The following ZNF516 variants were observed in gnomAD, a reference collection of about 807,000 sequenced individuals.
ZNF516 encodes zinc finger protein 516.
ZNF516 carries 19 observed loss-of-function variants against 79.7 expected under a neutral mutation model. The observed-to-expected ratio is 0.24, with a 90% CI of 0.17 to 0.35. The LOEUF is 0.35. ZNF516 is among the 10% of genes least tolerant of loss of function. ZNF516 has a pLI of 1.00. For missense variants in ZNF516, 1,678 were observed against 1,679.5 expected (o/e 1.00, Z 0.02); for synonymous variants, 877 against 739.5 (o/e 1.19, Z -3.02).
intron 1 of ZNF516, among the ~76,000 whole-genome samples, chr18:76,494,351 G>A (rs1915392382): frequency 8.2e-6 from 1 of 122,170 alleles, no homozygotes; most frequent in Non-Finnish European, 1.7e-5. Flanking sequence ...TCATACACCC[G>A]GGTTCATCTC....
At chr18:76,466,422 G>C (rs1207208667) in intron 1 of ZNF516, among the ~76,000 whole-genome samples, 7 of 152,240 alleles carry the variant, frequency 4.6e-5, no homozygotes, top group African/African-American at 1.7e-4. Flanking sequence ...GCTGCCACGT[G>C]GACGGGATGC....
At chr18:76,395,097 CACAG>C (rs1309087877) in intron 3 of ZNF516, among the ~76,000 whole-genome samples, 3 of 151,398 alleles carry the variant, frequency 2.0e-5, no homozygotes, top group African/African-American at 4.9e-5. Flanking sequence ...GGAGCAAAGT[CACAG>C]ACAAAGCCTG....
In ZNF516 at chr18:76,379,507, G is replaced by T. The variant is rs1837801758; in HGVS notation, c.2607C>A (p.Ser869Arg). 2 of 1,613,770 alleles carry T rather than the reference G, an allele frequency of 1.2e-6. No homozygotes were observed. Residue 869 changes from serine to arginine, a missense_variant, in exon 4 of 7, where the codon AGC becomes AGA. By Grantham distance (110) the Ser-to-Arg change is moderately radical (BLOSUM62 -1). Coordinates refer to ENST00000443185, the MANE Select transcript of ZNF516 (RefSeq NM_014643.4). ...KAASMPKNKE[S>R]HSGGPCALWA... ...ACAGAGCGCAGGGACCTCCGGAATG[G>T]CTCTCCTTATTCTTAGGCATGCTAG...
chr18:76,432,319 A>G (rs2075671160), intron 3 of ZNF516, among the ~76,000 whole-genome samples: 1 of 152,176 alleles, frequency 6.6e-6, no homozygotes, highest in Non-Finnish European at 1.5e-5. Flanking sequence ...AAGCCTCAGT[A>G]CTGTCATTAC....
At chr18:76,491,430 C>T (rs1458277516) in intron 1 of ZNF516, among the ~76,000 whole-genome samples, 2 of 145,228 alleles carry the variant, frequency 1.4e-5, no homozygotes, top group Non-Finnish European at 3.1e-5. Flanking sequence ...CGCCCCCGCC[C>T]CCCGGCCCGC....
intron 4 of ZNF516, among the ~76,000 whole-genome samples, chr18:76,373,375 A>G (rs898356580): frequency 1.2e-4 from 18 of 152,096 alleles, no homozygotes; most frequent in African/African-American, 4.3e-4. Flanking sequence ...AGATTTTTTA[A>G]GCTATTTTGT....
At chr18:76,480,305 G>A (rs185684545) in intron 1 of ZNF516, among the ~76,000 whole-genome samples, 22 of 151,794 alleles carry the variant, frequency 1.4e-4, no homozygotes, top group African/African-American at 3.6e-4. Context: ...TTTACCTCTC[G>A]ATGTGATCAC....
At chr18:76,491,655 A>G in intron 1 of ZNF516, 1 of 688,056 alleles carries the variant, frequency 1.5e-6, no homozygotes. Flanking sequence ...CAGCCCAGCA[A>G]CAAGCGGCCA....
chr18:76,445,668 C>A (rs1250561804), intron 2 of ZNF516, among the ~76,000 whole-genome samples: 7 of 152,136 alleles, frequency 4.6e-5, no homozygotes, highest in Non-Finnish European at 1.5e-5. Flanking sequence ...TACAGACTCC[C>A]CTGGACCTCC....
At position 76,441,625 on chromosome 18, in the gene ZNF516, G is replaced by A. The variant is rs1267284523; in HGVS notation, c.1430C>T (p.Pro477Leu). The A allele has an allele frequency of 1.5e-5, 22 of 1,512,404 alleles. No individual in the cohort carries two copies. In the Middle Eastern group the frequency reaches 6.9e-4, roughly 48 times the overall value. The allele number at this position is 1,512,404 out of a possible 1,614,324, so 93.7% of individuals were successfully genotyped here. A position where few individuals can be genotyped will look rare whatever the true frequency, so the allele number is the denominator to read the frequency against. Residue 477 changes from proline (P) to leucine (L), a missense_variant, in exon 3 of 7, where the codon CCG (proline) becomes CTG (leucine). Physicochemically the swap from Pro to Leu is moderately conservative, Grantham distance 98 (BLOSUM62 -3). Transcript: ENST00000443185. ...EQDAPAAQGP[P>L]RKRASGPGDP... The stretch of plus-strand genomic sequence containing the variant: ...CCCAGGCCCGCTCGCGCGCTTCCGC[G>A]GGGGCCCCTGCGCGGCTGGTGCATC...
chr18:76,451,126 T>C lies in ZNF516; in HGVS notation c.-157-7915A>G, dbSNP rs1912384045. Among the ~76,000 whole-genome samples, 1 of 152,202 alleles carries C rather than the reference T, an allele frequency of 6.6e-6. No homozygotes were observed. Among genetic ancestry groups the C allele is most frequent in the Non-Finnish European group, 1.5e-5 (1 of 68,040 alleles). ...CTGCACCAAGTCCCCACAAGCAGCA[T>C]GTGTCAGGGGAGGGAAGCAAAGCTG... On this transcript the variant is annotated intron_variant, in intron 2 of 6. Coordinates refer to ENST00000443185, the MANE Select transcript of ZNF516 (RefSeq NM_014643.4). This position sits in a 1 kb window ranked among gnomAD's most constrained non-coding sequence, Gnocchi z 6.0.
At chr18:76,416,362 T>G (rs2075433112) in intron 3 of ZNF516, among the ~76,000 whole-genome samples, 2 of 152,240 alleles carry the variant, frequency 1.3e-5, no homozygotes, top group Admixed American at 1.3e-4. Context: ...AATGCTGTGA[T>G]GTTCTTGGGC....
intron 1 of ZNF516, among the ~76,000 whole-genome samples, chr18:76,484,521 G>C (rs1027490442): frequency 2.0e-5 from 3 of 152,124 alleles, no homozygotes; most frequent in African/African-American, 7.2e-5. Context: ...GGCCAAGAAG[G>C]TGCAGTTTCA....
chr18:76,439,690 T>C (rs1175070316), intron 3 of ZNF516, among the ~76,000 whole-genome samples: 1 of 152,138 alleles, frequency 6.6e-6, no homozygotes, highest in East Asian at 1.9e-4. Context: ...GTGACCACCA[T>C]CATAATCAAT....
chr18:76,368,925 T>C (rs1482700028), intron 6 of ZNF516, among the ~76,000 whole-genome samples: 1 of 152,194 alleles, frequency 6.6e-6, no homozygotes, highest in African/African-American at 2.4e-5. Context: ...CTGACATGCA[T>C]TCCTGAAGAA....
At chr18:76,404,494 T>C (rs1240214970) in intron 3 of ZNF516, among the ~76,000 whole-genome samples, 1 of 151,378 alleles carries the variant, frequency 6.6e-6, no homozygotes, top group Admixed American at 6.6e-5. Context: ...TGTAAGCATG[T>C]GTGCATGTGT....
chr18:76,426,415 ACACT>A (rs751065503), intron 3 of ZNF516, among the ~76,000 whole-genome samples: 7 of 152,226 alleles, frequency 4.6e-5, no homozygotes, highest in African/African-American at 7.2e-5. Context: ...TACTCACAAG[ACACT>A]CACCAGCTCA....
chr18:76,490,224 C>A (rs1457265366), intron 1 of ZNF516: 1 of 984,936 alleles, frequency 1.0e-6, no homozygotes, highest in Non-Finnish European at 1.2e-6. Flanking sequence ...CTACAAGTAA[C>A]CCAACTCTCA....
intron 3 of ZNF516, chr18:76,386,940 G>A (rs1039588987): frequency 7.2e-5 from 11 of 152,238 alleles, no homozygotes; most frequent in African/African-American, 9.6e-5. Context: ...GAAAAAACCT[G>A]CCAAGGGCAT....
Sources: allele counts gnomAD v4.1 joint callset (sites outside exome capture counted in the v4.1 genomes callset), GRCh38; gene constraint gnomAD v4.1.1; non-coding constraint Gnocchi (gnomAD v3.1); transcripts MANE v1.5; gene names NCBI Gene and HGNC (gene_info 2026-07-23, HGNC 2026-07-21).